The following ZFAT variants were observed in gnomAD, a reference collection of about 807,000 sequenced individuals.
ZFAT encodes the protein zinc finger and AT-hook domain containing.
ZFAT carries 64 observed loss-of-function variants against 117.7 expected under a neutral mutation model. The ratio of observed to expected loss-of-function variants is 0.54; its 90% CI spans 0.44 to 0.67. The LOEUF (loss-of-function observed/expected upper bound fraction) is 0.67. Ranked by LOEUF, ZFAT falls within the 30% of genes least tolerant of loss-of-function variation. The probability of loss-of-function intolerance (pLI) is 0.00; values close to 1 mark genes in which losing one functional copy is unlikely to be tolerated. For missense variants in ZFAT, 1,433 were observed against 1,584.5 expected (o/e 0.90, Z 1.62); for synonymous variants, 679 against 615.0 (o/e 1.10, Z -1.54).
At chr8:134,717,397 C>A (rs900480835), upstream of ZFAT, among the ~76,000 whole-genome samples, 7 of 135,862 alleles carry the variant, frequency 5.2e-5, no homozygotes, top group African/African-American at 1.9e-4. Context: ...CCAATAAGGG[C>A]AGTCCTGAAA....
intron 11 of ZFAT, among the ~76,000 whole-genome samples, chr8:134,562,250 G>GA (rs1398399769): frequency 1.3e-5 from 2 of 152,144 alleles, no homozygotes; most frequent in East Asian, 1.9e-4. Context: ...AGAACCTCTA[G>GA]AAAAAATGCA....
chr8:134,606,936 T>C (rs749957727), intron 5 of ZFAT, among the ~76,000 whole-genome samples: 1 of 152,180 alleles, frequency 6.6e-6, no homozygotes, highest in Non-Finnish European at 1.5e-5. Context: ...ATAATAACTC[T>C]GTATCATTTG....
intron 11 of ZFAT, among the ~76,000 whole-genome samples, chr8:134,562,089 TAGAAGAGGAGGC>T (rs1824093647): frequency 1.3e-5 from 2 of 151,940 alleles, no homozygotes; most frequent in Admixed American, 6.6e-5. Context: ...TCCTTAAAGG[TAGAAGAGGAGGC>T]AGAAGAGGAG....
At chr8:134,695,587 A>G (rs1833790829) in intron 1 of ZFAT, among the ~76,000 whole-genome samples, 1 of 148,290 alleles carries the variant, frequency 6.7e-6, no homozygotes, top group African/African-American at 2.5e-5. Context: ...GGCATCTCTA[A>G]CCAGGAAGGC....
At chr8:134,544,455 TAA>T (rs200618967) in intron 11 of ZFAT, among the ~76,000 whole-genome samples, 8 of 151,182 alleles carry the variant, frequency 5.3e-5, no homozygotes, top group African/African-American at 1.9e-4. Flanking sequence ...AATTTTTTTT[TAA>T]AAAAATTAAA....
the ZFAT span, among the ~76,000 whole-genome samples, chr8:134,803,948 T>C: frequency 2.5e-3 from 383 of 152,162 alleles, no homozygotes; most frequent in African/African-American, 8.9e-3. Context: ...AGCAGTTTAA[T>C]AAAAATAAAT....
chr8:134,782,671 C>CT, the ZFAT span, among the ~76,000 whole-genome samples: 1 of 152,004 alleles, frequency 6.6e-6, no homozygotes, highest in Non-Finnish European at 1.5e-5. Context: ...AGGGAAACCC[C>CT]CTTTGCTTGA....
At chr8:134,615,090 C>T (rs560061908) in intron 3 of ZFAT, among the ~76,000 whole-genome samples, 48 of 152,308 alleles carry the variant, frequency 3.2e-4, no homozygotes, top group African/African-American at 8.7e-4. Context: ...CTCAAATCTG[C>T]GCTGAGTGCA....
chr8:134,762,677 T>C, the ZFAT span, among the ~76,000 whole-genome samples: 1 of 152,240 alleles, frequency 6.6e-6, no homozygotes, highest in South Asian at 2.1e-4. Context: ...TATGTTCAAA[T>C]TTATATCTTC....
intron 11 of ZFAT, among the ~76,000 whole-genome samples, chr8:134,539,273 T>A (rs193152813): frequency 6.6e-5 from 10 of 152,332 alleles, no homozygotes; most frequent in African/African-American, 2.4e-4. Flanking sequence ...GACTGCAATG[T>A]ACAGGATGGC....
intron 13 of ZFAT, among the ~76,000 whole-genome samples, chr8:134,519,776 C>T (rs1820515205): frequency 6.6e-6 from 1 of 152,198 alleles, no homozygotes; most frequent in South Asian, 2.1e-4. Flanking sequence ...TGTGGAAACA[C>T]TCTAGTGTTT....
chr8:134,831,523 A>C, the ZFAT span, among the ~76,000 whole-genome samples: 4 of 152,188 alleles, frequency 2.6e-5, no homozygotes, highest in African/African-American at 9.7e-5. Context: ...CGGCCGGTCC[A>C]GCCTGGCTTC....
intron 10 of ZFAT, among the ~76,000 whole-genome samples, chr8:134,581,507 T>C (rs1248799330): frequency 1.3e-5 from 2 of 152,182 alleles, no homozygotes; most frequent in Non-Finnish European, 2.9e-5. Flanking sequence ...ACCCAAGTAG[T>C]GGAAAAAGTT....
chr8:134,618,634 C>T (rs1211210513), intron 3 of ZFAT, among the ~76,000 whole-genome samples: 2 of 152,296 alleles, frequency 1.3e-5, no homozygotes, highest in African/African-American at 4.8e-5. Flanking sequence ...TAACAATTAT[C>T]CCCTACTACT....
chr8:134,773,992 T>TGG, the ZFAT span, among the ~76,000 whole-genome samples: 4,705 of 134,828 alleles, frequency 0.035, 337 homozygotes, highest in South Asian at 0.053. Context: ...TAATTTTTTT[T>TGG]TTTTTTTTTT....
chr8:134,738,060 A>T, the ZFAT span, among the ~76,000 whole-genome samples: 43 of 152,220 alleles, frequency 2.8e-4, no homozygotes, highest in Non-Finnish European at 1.9e-4. Context: ...CAAGGCTGAA[A>T]TCACCTTGTC....
At chr8:134,776,290 G>T in the ZFAT span, among the ~76,000 whole-genome samples, 1 of 152,050 alleles carries the variant, frequency 6.6e-6, no homozygotes, top group Admixed American at 6.6e-5. Context: ...CATTTTCAAA[G>T]TCACCCCTCC....
At chr8:134,794,313 C>G in the ZFAT span, 1 of 152,198 alleles carries the variant, frequency 6.6e-6, no homozygotes, top group African/African-American at 2.4e-5. Flanking sequence ...AAGTTTGCCA[C>G]CTTTTATGAA....
chr8:134,768,043 A>C, the ZFAT span, among the ~76,000 whole-genome samples: 909 of 152,020 alleles, frequency 6.0e-3, 9 homozygotes, highest in African/African-American at 0.021. Flanking sequence ...TTGTCTTTTC[A>C]TTCTTCATTC....
Sources: gnomAD v4.1 joint callset for allele counts (sites outside exome capture counted in the v4.1 genomes callset) on GRCh38, gnomAD v4.1.1 for gene constraint, MANE v1.5 for transcripts, NCBI Gene and HGNC (gene_info 2026-07-23, HGNC 2026-07-21) for gene names.